The following ATP2B2 variants were observed in gnomAD, a reference collection of about 807,000 sequenced individuals.
The protein encoded by ATP2B2 is plasma membrane calcium-transporting ATPase 2.
In ATP2B2, 15 loss-of-function variants were observed where a neutral mutation model predicts 120.0. The observed-to-expected ratio is 0.12, with a 90% CI of 0.08 to 0.19. ATP2B2 has a LOEUF of 0.19. ATP2B2 is among the 10% of genes least tolerant of loss of function. ATP2B2 has a pLI of 1.00. For synonymous variants in ATP2B2, 694 were observed against 700.3 expected (o/e 0.99, Z 0.14); for missense variants, 1,045 against 1,719.8 (o/e 0.61, Z 6.94).
intron 2 of ATP2B2, among the ~76,000 whole-genome samples, chr3:10,608,670 T>C (rs576117836): frequency 3.9e-4 from 60 of 152,328 alleles, no homozygotes; most frequent in Non-Finnish European, 7.1e-4. Flanking sequence ...CTCTTACTCA[T>C]CTGCCAAGAC....
At chr3:10,548,263 G>A (rs1410719352) in intron 2 of ATP2B2, among the ~76,000 whole-genome samples, 1 of 152,290 alleles carries the variant, frequency 6.6e-6, no homozygotes, top group Non-Finnish European at 1.5e-5. Flanking sequence ...CCACTTAATC[G>A]TCATAGCAAC....
chr3:10,402,332 C>G lies in ATP2B2; in HGVS notation c.414G>C (p.Gln138His). ...CCTCTCCTTCATCCTCTGCCCCACC[C>G]TGGGCCGTCGCACATCCTGAAAGAC... is the stretch of plus-strand genomic sequence containing the variant. ...GEGNEGCATA[Q>H]GGAEDEGEAE... is the part of the protein sequence containing the mutation. Residue 138 changes from glutamine (Q) to histidine (H), a missense_variant, in exon 4 of 23, where the codon CAG (glutamine) becomes CAC (histidine). Coordinates refer to ENST00000360273, the MANE Select transcript of ATP2B2 (RefSeq NM_001001331.4). This position sits in a 1 kb window ranked among gnomAD's most constrained non-coding sequence, Gnocchi z 4.9. 6.2e-7 allele frequency: 1 copy of G among 1,613,714 alleles called. No individual in the cohort carries two copies. Among genetic ancestry groups the G allele is most frequent in the Non-Finnish European group, 8.5e-7 (1 of 1,180,052 alleles).
intron 1 of ATP2B2, among the ~76,000 whole-genome samples, chr3:10,632,043 ATC>A (rs2069878806): frequency 1.3e-5 from 2 of 152,186 alleles, no homozygotes; most frequent in Admixed American, 6.5e-5. Context: ...CTTGACTGCT[ATC>A]TCTGTGTGAC....
chr3:10,557,973 G>A (rs768522135), intron 2 of ATP2B2, among the ~76,000 whole-genome samples: 2 of 152,158 alleles, frequency 1.3e-5, no homozygotes, highest in Non-Finnish European at 2.9e-5. Context: ...GAAGGCCCCT[G>A]GCCAGGCAGT....
intron 5 of ATP2B2, among the ~76,000 whole-genome samples, chr3:10,397,562 A>G (rs941153710): frequency 6.6e-6 from 1 of 152,090 alleles, no homozygotes; most frequent in Non-Finnish European, 1.5e-5. Context: ...GCCTTCATGG[A>G]GGAGGTGGGG....
At chr3:10,480,976 C>G (rs1316358829) in intron 1 of ATP2B2, among the ~76,000 whole-genome samples, 2 of 152,246 alleles carry the variant, frequency 1.3e-5, no homozygotes, top group Non-Finnish European at 2.9e-5. Flanking sequence ...ATCTGCTCCA[C>G]CCGCACCAGA....
chr3:10,592,781 C>T (rs1005896192), intron 2 of ATP2B2, among the ~76,000 whole-genome samples: 4 of 152,310 alleles, frequency 2.6e-5, no homozygotes, highest in Middle Eastern at 3.4e-3. Flanking sequence ...CATTTACTGT[C>T]CCCTCTCCCA....
At chr3:10,418,175 C>T (rs983402222) in intron 2 of ATP2B2, among the ~76,000 whole-genome samples, 7 of 152,200 alleles carry the variant, frequency 4.6e-5, no homozygotes, top group African/African-American at 9.6e-5. Flanking sequence ...CAGCAGCATG[C>T]ATCGAGCTGT....
At chr3:10,414,638 C>T (rs2062721269) in intron 2 of ATP2B2, among the ~76,000 whole-genome samples, 2 of 152,174 alleles carry the variant, frequency 1.3e-5, no homozygotes, top group Non-Finnish European at 1.5e-5. Context: ...AAAAACATGC[C>T]AGGGCCAAGA....
At chr3:10,538,522 T>C (rs1460153488) in intron 2 of ATP2B2, among the ~76,000 whole-genome samples, 1 of 152,188 alleles carries the variant, frequency 6.6e-6, no homozygotes, top group Non-Finnish European at 1.5e-5. Context: ...AAAAAGCTTA[T>C]CCGCCACGAT....
chr3:10,637,484 A>T (rs894051327), intron 1 of ATP2B2, among the ~76,000 whole-genome samples: 1 of 152,226 alleles, frequency 6.6e-6, no homozygotes, highest in Admixed American at 6.5e-5. Flanking sequence ...AGAGATGAAA[A>T]CTATGATGTC....
chr3:10,340,837 T>C lies in ATP2B2; in HGVS notation c.2918-133A>G. 5 of 896,614 alleles carry C rather than the reference T, an allele frequency of 5.6e-6. No homozygotes were observed. The highest frequency in any genetic ancestry group is 1.7e-5 in the African/African-American group (1 of 60,490). 55.5% of individuals were successfully genotyped at this position (896,614 alleles called of 1,614,324 possible). On this transcript the variant is annotated intron_variant, in intron 19 of 22. Coordinates refer to ENST00000360273, the MANE Select transcript of ATP2B2 (RefSeq NM_001001331.4). This position sits in a 1 kb window ranked among gnomAD's most constrained non-coding sequence, Gnocchi z 5.0. Reference sequence around the variant, plus strand: ...AAGACATCAAGGCATGCTTGGACAGTGGGGGGCCAGGGCTGTGCTGTCAGC... The same window carrying C: ...AAGACATCAAGGCATGCTTGGACAGCGGGGGGCCAGGGCTGTGCTGTCAGC...
upstream of ATP2B2, among the ~76,000 whole-genome samples, chr3:10,510,044 G>C (rs2066728725): frequency 6.6e-6 from 1 of 152,220 alleles, no homozygotes; most frequent in Non-Finnish European, 1.5e-5. Flanking sequence ...TGCTGGCGGA[G>C]AGTAGGTGGC....
At chr3:10,345,268 G>C in intron 18 of ATP2B2, 116 bp downstream of exon 18, 1 of 1,208,658 alleles carries the variant, frequency 8.3e-7, no homozygotes, top group Non-Finnish European at 1.2e-6. Context: ...CCATCGATGG[G>C]TGCCTCATCC....
intron 2 of ATP2B2, among the ~76,000 whole-genome samples, chr3:10,422,699 C>T (rs1329706723): frequency 3.3e-5 from 5 of 152,228 alleles, no homozygotes. Context: ...TTTGAATGTG[C>T]ATAGTGCAGC....
At chr3:10,549,861 GGAGGGGCCCACT>G (rs1398351482) in intron 2 of ATP2B2, among the ~76,000 whole-genome samples, 10 of 152,318 alleles carry the variant, frequency 6.6e-5, no homozygotes, top group East Asian at 1.9e-4. Flanking sequence ...CCAGCACAGG[GGAGGGGCCCACT>G]GAGGGGCCCA....
intron 3 of ATP2B2, among the ~76,000 whole-genome samples, chr3:10,532,276 G>A (rs991672943): frequency 6.6e-6 from 1 of 152,188 alleles, no homozygotes; most frequent in Non-Finnish European, 1.5e-5. Context: ...GTGAATAAAA[G>A]TATAACAATG....
intron 1 of ATP2B2, among the ~76,000 whole-genome samples, chr3:10,465,462 C>T (rs2064695601): frequency 6.6e-6 from 1 of 152,268 alleles, no homozygotes; most frequent in African/African-American, 2.4e-5. Context: ...AGCCCCAGCT[C>T]CTCCAGTACC....
intron 1 of ATP2B2, among the ~76,000 whole-genome samples, chr3:10,655,937 T>C (rs2070613739): frequency 6.6e-6 from 1 of 152,318 alleles, no homozygotes; most frequent in East Asian, 1.9e-4. Flanking sequence ...CACTTTACAA[T>C]CCAATGCCTT....
Sources: allele counts gnomAD v4.1 joint callset (sites outside exome capture counted in the v4.1 genomes callset), GRCh38; gene constraint gnomAD v4.1.1; non-coding constraint Gnocchi (gnomAD v3.1); transcripts MANE v1.5; gene names NCBI Gene and HGNC (gene_info 2026-07-23, HGNC 2026-07-21).